PRKG1: variants seen among roughly 807,000 people sequenced by gnomAD.
PRKG1 encodes the protein cGMP-dependent protein kinase 1.
Under a neutral mutation model 88.1 loss-of-function variants are expected in PRKG1, and 35 were observed. The ratio of observed to expected loss-of-function variants is 0.40; its 90% CI spans 0.30 to 0.53. The LOEUF (loss-of-function observed/expected upper bound fraction) is 0.53, where lower values mean the gene tolerates loss of function less well. PRKG1 is among the 20% of genes least tolerant of loss of function. The pLI, the probability that PRKG1 is intolerant of heterozygous loss-of-function variation, is 0.59. For missense variants in PRKG1, 540 were observed against 839.8 expected, an observed-to-expected ratio of 0.64 and a Z score of 4.41; for synonymous variants, 303 against 292.5, an observed-to-expected ratio of 1.04 and a Z score of -0.37.
rs530421731 is a variant in PRKG1 at position 51,176,253 on chromosome 10, A to G, written c.478+22923A>G. On this transcript the variant is annotated intron_variant, in intron 2 of 17. Transcript: ENST00000373980. Reference sequence around the variant, plus strand: ...TTTCACTAATGAAAAATAGAGGTTCAGAGAGTGTATATTTCTCTCTGTATC... The same window carrying G: ...TTTCACTAATGAAAAATAGAGGTTCGGAGAGTGTATATTTCTCTCTGTATC... 7.9e-4 allele frequency among the ~76,000 whole-genome samples: 120 copies of G among 152,308 alleles called. 1 individual carries two copies. The highest frequency in any genetic ancestry group is 1.6e-3 in the Non-Finnish European group (110 of 68,004).
intron 3 of PRKG1, among the ~76,000 whole-genome samples, chr10:51,677,427 G>A (rs1334841632): frequency 1.3e-5 from 2 of 152,122 alleles, no homozygotes; most frequent in African/African-American, 2.4e-5. Context: ...GCATAATTCA[G>A]CTGTCCCTAT....
At chr10:51,194,082 C>G (rs1307982717) in intron 2 of PRKG1, among the ~76,000 whole-genome samples, 1 of 152,106 alleles carries the variant, frequency 6.6e-6, no homozygotes, top group Non-Finnish European at 1.5e-5. Flanking sequence ...TTTCATATCT[C>G]TTAACTATGT....
At chr10:51,216,270 T>C (rs911171884) in intron 2 of PRKG1, among the ~76,000 whole-genome samples, 2 of 152,232 alleles carry the variant, frequency 1.3e-5, no homozygotes, top group Admixed American at 6.5e-5. Context: ...TTGCTCTTCA[T>C]TGGGTAGGGC....
intron 1 of PRKG1, among the ~76,000 whole-genome samples, chr10:51,108,067 C>A (rs1448749848): frequency 6.6e-6 from 1 of 152,012 alleles, no homozygotes; most frequent in Admixed American, 6.6e-5. Context: ...AAACAGGTGA[C>A]CTGAACAGCA....
chr10:51,716,299 A>G (rs1841884454), intron 3 of PRKG1, among the ~76,000 whole-genome samples: 1 of 152,138 alleles, frequency 6.6e-6, no homozygotes, highest in Non-Finnish European at 1.5e-5. Context: ...CCTGTTTTTG[A>G]TAATTGTACT....
At chr10:52,267,435 A>C (rs1324680954) in intron 10 of PRKG1, among the ~76,000 whole-genome samples, 1 of 152,084 alleles carries the variant, frequency 6.6e-6, no homozygotes. Flanking sequence ...AATTTAAAAG[A>C]GACTTGCAAG....
chr10:51,338,839 T>C (rs1344650518), intron 2 of PRKG1, among the ~76,000 whole-genome samples: 1 of 152,214 alleles, frequency 6.6e-6, no homozygotes, highest in Non-Finnish European at 1.5e-5. Flanking sequence ...TCCTACTTTT[T>C]TGTCAAATGA....
At chr10:51,853,742 C>T (rs1429600959) in intron 4 of PRKG1, among the ~76,000 whole-genome samples, 1 of 152,002 alleles carries the variant, frequency 6.6e-6, no homozygotes, top group African/African-American at 2.4e-5. Flanking sequence ...ATATTTATTA[C>T]CAAATGTGTG....
chr10:51,599,196 T>A lies in PRKG1; in HGVS notation c.592+131360T>A, dbSNP rs116736943. Among the ~76,000 whole-genome samples the A allele has an allele frequency of 5.6e-3, 852 of 152,220 alleles. 8 individuals carry two copies. The highest frequency in any genetic ancestry group is 0.02 in the African/African-American group (816 of 41,536). On this transcript the variant is annotated intron_variant, in intron 3 of 17. Transcript: ENST00000373980. ...GATGATTTGGATTTGGTTACCCTCT[T>A]CTCCCCCAGGAAACATTTAGCAATG...
At position 52,180,945 on chromosome 10, in the gene PRKG1, C is replaced by T. The variant is rs181449480; in HGVS notation, c.1076+18982C>T. ...ATGGCTGCCTGGCTTCTCAGCTGGC[C>T]TGAGTGTATGTCTGTTGGAGGTGTT... On this transcript the variant is annotated intron_variant, in intron 9 of 17. Coordinates refer to ENST00000373980, the MANE Select transcript of PRKG1 (RefSeq NM_006258.4). 1.7e-3 allele frequency among the ~76,000 whole-genome samples: 255 copies of T among 152,226 alleles called. 2 individuals carry two copies. The highest frequency in any genetic ancestry group is 5.9e-3 in the African/African-American group (243 of 41,534).
intron 1 of PRKG1, among the ~76,000 whole-genome samples, chr10:51,044,007 C>A (rs543234455): frequency 6.6e-6 from 1 of 152,214 alleles, no homozygotes; most frequent in East Asian, 1.9e-4. Flanking sequence ...CTCATGATAA[C>A]CCTAAGAAGA....
At chr10:52,186,152 T>A (rs186859723) in intron 9 of PRKG1, among the ~76,000 whole-genome samples, 1 of 152,312 alleles carries the variant, frequency 6.6e-6, no homozygotes, top group East Asian at 1.9e-4. Context: ...AATTGGCTCA[T>A]GGTTCTGCAG....
chr10:51,879,579 A>G (rs887558332), intron 4 of PRKG1, among the ~76,000 whole-genome samples: 1 of 152,202 alleles, frequency 6.6e-6, no homozygotes. Flanking sequence ...GTAAGTCTAC[A>G]TCTCTCTCAG....
At chr10:51,289,062 A>G (rs533359425) in intron 2 of PRKG1, among the ~76,000 whole-genome samples, 272 of 152,324 alleles carry the variant, frequency 1.8e-3, no homozygotes, top group Non-Finnish European at 2.7e-3. Context: ...CATAAATGTG[A>G]ACAAGAAAGT....
chr10:51,818,994 G>C (rs1301824287), intron 4 of PRKG1, among the ~76,000 whole-genome samples: 1 of 46,124 alleles, frequency 2.2e-5, no homozygotes, highest in South Asian at 7.9e-4. Flanking sequence ...GCGACAGAGC[G>C]AGACTCCGTC....
chr10:52,220,585 T>C (rs1840218671), intron 9 of PRKG1, among the ~76,000 whole-genome samples: 1 of 151,990 alleles, frequency 6.6e-6, no homozygotes, highest in African/African-American at 2.4e-5. Context: ...CACCCTCCAA[T>C]AGGCCCCAGT....
At chr10:51,012,178 G>A (rs1843001578) in intron 1 of PRKG1, among the ~76,000 whole-genome samples, 1 of 152,196 alleles carries the variant, frequency 6.6e-6, no homozygotes, top group Non-Finnish European at 1.5e-5. Context: ...TCAAAAAGTA[G>A]AAGGAAGACA....
In PRKG1 at chr10:52,131,844, A is replaced by AAAAAAAC. The variant is rs764532999; in HGVS notation, c.936-1994_936-1993insAAAACAA. Among the ~76,000 whole-genome samples the AAAAAAAC allele has an allele frequency of 7.9e-3, 922 of 117,150 alleles. 85 individuals are homozygous for AAAAAAAC. Among genetic ancestry groups the AAAAAAAC allele is most frequent in the Non-Finnish European group, 0.013 (639 of 50,604 alleles). The allele number at this position is 117,150 out of a possible 152,430, so 76.9% of individuals were successfully genotyped here. A position where few individuals can be genotyped will look rare whatever the true frequency, so the allele number is the denominator to read the frequency against. The stretch of plus-strand genomic sequence containing the variant: ...AAAAAAAAAAAAAAAAAAAAAAAAA[A>AAAAAAAC]AAGAGGCCAGTTTGGCCAAAAGGCA... On this transcript the variant is annotated intron_variant, in intron 7 of 17. Transcript: ENST00000373980.
At chr10:52,207,066 C>A (rs1037805060) in intron 9 of PRKG1, among the ~76,000 whole-genome samples, 6 of 152,184 alleles carry the variant, frequency 3.9e-5, no homozygotes, top group African/African-American at 1.4e-4. Flanking sequence ...CACACTTACC[C>A]CAGTAGTGGC....
Sources: allele counts gnomAD v4.1 joint callset (sites outside exome capture counted in the v4.1 genomes callset), GRCh38; gene constraint gnomAD v4.1.1; transcripts MANE v1.5; gene names NCBI Gene and HGNC (gene_info 2026-07-23, HGNC 2026-07-21).